The following SLC12A8 variants were observed in gnomAD, a reference collection of about 807,000 sequenced individuals.
The protein encoded by SLC12A8 is solute carrier family 12 member 8.
SLC12A8 carries 69 observed loss-of-function variants against 75.6 expected under a neutral mutation model. The ratio of observed to expected loss-of-function variants is 0.91; its 90% CI spans 0.75 to 1.11. The LOEUF is 1.11. Among genes scored for constraint, SLC12A8 ranks in the 50% most tolerant of loss-of-function variants. The pLI is 0.00. For missense variants in SLC12A8, 877 were observed against 896.7 expected (o/e 0.98, Z 0.28); for synonymous variants, 365 against 372.8 (o/e 0.98, Z 0.24).
intron 10 of SLC12A8, 48 bp downstream of exon 10, chr3:125,107,433 G>T (rs1939055190): frequency 6.6e-7 from 1 of 1,505,766 alleles, no homozygotes; most frequent in Non-Finnish European, 9.0e-7. Flanking sequence ...AGGATAATCA[G>T]TGGTCATCCC....
intron 6 of SLC12A8, among the ~76,000 whole-genome samples, chr3:125,134,099 A>G (rs1933431262): frequency 6.6e-6 from 1 of 151,594 alleles, no homozygotes; most frequent in Non-Finnish European, 1.5e-5. Flanking sequence ...GTGTGTATCG[A>G]TAGTTATTTT....
intron 5 of SLC12A8, among the ~76,000 whole-genome samples, chr3:125,142,942 C>T (rs1471938028): frequency 6.6e-6 from 1 of 152,198 alleles, no homozygotes; most frequent in Non-Finnish European, 1.5e-5. Context: ...ATTGTTGATA[C>T]AGGATGTGCT....
At chr3:125,180,010 C>T (rs1421126064) in intron 4 of SLC12A8, among the ~76,000 whole-genome samples, 1 of 151,588 alleles carries the variant, frequency 6.6e-6, no homozygotes, top group Non-Finnish European at 1.5e-5. Context: ...GGACCATCTG[C>T]ATCCAAAGCT....
At chr3:125,165,519 C>T (rs1321582211) in intron 5 of SLC12A8, among the ~76,000 whole-genome samples, 2 of 152,182 alleles carry the variant, frequency 1.3e-5, no homozygotes, top group Non-Finnish European at 2.9e-5. Context: ...GCTGGGAGGA[C>T]GATTCTACAG....
intron 5 of SLC12A8, among the ~76,000 whole-genome samples, chr3:125,138,696 T>G (rs901760855): frequency 6.6e-6 from 1 of 152,162 alleles, no homozygotes; most frequent in Admixed American, 6.5e-5. Flanking sequence ...CTTTTTTTAT[T>G]TCTACAAAAC....
chr3:125,108,134 A>C lies in SLC12A8; in HGVS notation c.1060-8T>G. The C allele has an allele frequency of 6.2e-7, 1 of 1,605,628 alleles. No individual in the cohort carries two copies. Among genetic ancestry groups the C allele is most frequent in the Non-Finnish European group, 8.5e-7 (1 of 1,175,938 alleles). ...TGTTTTGTTTGGCCCCTTCTGCAGG[A>C]ACAAAAATAACATGCAGGACCATAA... On this transcript the variant is annotated splice_polypyrimidine_tract_variant and splice_region_variant and intron_variant, in intron 9 of 13. Transcript: ENST00000469902.
intron 2 of SLC12A8, among the ~76,000 whole-genome samples, chr3:125,195,086 G>C (rs186421383): frequency 6.6e-6 from 1 of 152,376 alleles, no homozygotes; most frequent in Non-Finnish European, 1.5e-5. Flanking sequence ...AGTTGTGAAA[G>C]TTTGTGTAAA....
intron 5 of SLC12A8, among the ~76,000 whole-genome samples, chr3:125,142,598 A>T (rs11925247): frequency 0.25 from 38,199 of 152,128 alleles, 5,713 homozygotes; most frequent in Middle Eastern, 0.37. Flanking sequence ...GGCCCTGGTT[A>T]TGCGAGGACT....
intron 6 of SLC12A8, among the ~76,000 whole-genome samples, chr3:125,124,221 A>G (rs1449478779): frequency 6.6e-6 from 1 of 152,210 alleles, no homozygotes; most frequent in Admixed American, 6.5e-5. Context: ...AAACAAGGAG[A>G]TGCAGGCAAC....
chr3:125,139,338 G>A (rs779292181), intron 5 of SLC12A8, among the ~76,000 whole-genome samples: 43 of 152,168 alleles, frequency 2.8e-4, no homozygotes. Context: ...TTGACCAAGC[G>A]CACTGAGGCA....
chr3:125,135,699 C>T lies in SLC12A8; in HGVS notation c.706G>A (p.Val236Ile). Residue 236 changes from valine to isoleucine, a missense_variant, in exon 6 of 14, where the codon GTC (valine) becomes ATC (isoleucine). By Grantham distance (29) the Val-to-Ile change is conservative. Transcript: ENST00000469902. Reference sequence around the variant, plus strand: ...GCCGCTGGGAAGAAAACCCCAAAGACAGTGAAAAAAGATTCCCCCGGGCTG... The same window carrying T: ...GCCGCTGGGAAGAAAACCCCAAAGATAGTGAAAAAAGATTCCCCCGGGCTG... ...DYSPGESFFT[V>I]FGVFFPAATG... The T allele has an allele frequency of 6.2e-7, 1 of 1,608,976 alleles. No individual in the cohort carries two copies. Among genetic ancestry groups the T allele is most frequent in the Non-Finnish European group, 8.5e-7 (1 of 1,176,836 alleles).
At chr3:125,135,340 T>C (rs938639291) in intron 6 of SLC12A8, among the ~76,000 whole-genome samples, 19 of 152,330 alleles carry the variant, frequency 1.2e-4, no homozygotes, top group African/African-American at 4.6e-4. Context: ...ATGAGATATG[T>C]ATCCTTTCTA....
Position 125,208,791 on chromosome 3 carries a change from C to CACACACAG in SLC12A8, c.51+2507_51+2508insCTGTGTGT, listed in dbSNP as rs1368605617. Among the ~76,000 whole-genome samples the CACACACAG allele has an allele frequency of 3.4e-3, 286 of 84,194 alleles. 2 individuals carry two copies. The highest frequency in any genetic ancestry group is 5.7e-3 in the Non-Finnish European group (241 of 42,430). 55.2% of individuals were successfully genotyped at this position (84,194 alleles called of 152,430 possible). On this transcript the variant is annotated intron_variant, in intron 2 of 13. Coordinates refer to ENST00000469902, the MANE Select transcript of SLC12A8 (RefSeq NM_024628.6). ...ACACACACACACACACACACACACA[C>CACACACAG]AGAGAGAGAGAGAGAGAGAGAGAGA...
chr3:125,088,277 C>G (rs1579459288), intron 13 of SLC12A8, 33 bp downstream of exon 13: 1 of 1,609,888 alleles, frequency 6.2e-7, no homozygotes, highest in African/African-American at 1.3e-5. Flanking sequence ...GGACACTCAT[C>G]CATTCTGGTA....
chr3:125,134,175 C>T (rs1488489502), intron 6 of SLC12A8, among the ~76,000 whole-genome samples: 1 of 152,158 alleles, frequency 6.6e-6, no homozygotes, highest in African/African-American at 2.4e-5. Context: ...CATCTCAGCT[C>T]ACTGCAACCT....
At chr3:125,125,852 C>T in intron 6 of SLC12A8, 7 of 730,336 alleles carry the variant, frequency 9.6e-6, no homozygotes, top group Non-Finnish European at 1.2e-5. Flanking sequence ...ATAGTAATTG[C>T]ATGATTAATG....
chr3:125,115,267 A>G lies in SLC12A8; in HGVS notation c.912+3502T>C, dbSNP rs188202560. On this transcript the variant is annotated intron_variant, in intron 8 of 13. Transcript: ENST00000469902. The stretch of plus-strand genomic sequence containing the variant: ...CCGGGCGCAGTAGCTCATCCCTGTA[A>G]TCCCAGCACTTTGGGAGACTGAGGC... 4.9e-4 allele frequency among the ~76,000 whole-genome samples: 74 copies of G among 152,288 alleles called. 1 individual carries two copies. Among genetic ancestry groups the G allele is most frequent in the African/African-American group, 1.7e-3 (70 of 41,558 alleles).
At chr3:125,147,609 G>A (rs979727196) in intron 5 of SLC12A8, among the ~76,000 whole-genome samples, 5 of 152,206 alleles carry the variant, frequency 3.3e-5, no homozygotes, top group Non-Finnish European at 7.3e-5. Context: ...CTGGGGTGCT[G>A]GATGAGTCCA....
At chr3:125,131,654 C>CT (rs1468818537) in intron 6 of SLC12A8, among the ~76,000 whole-genome samples, 1 of 152,168 alleles carries the variant, frequency 6.6e-6, no homozygotes, top group African/African-American at 2.4e-5. Flanking sequence ...TCCCAAAGTG[C>CT]TGGGATTACA....
Sources: allele counts gnomAD v4.1 joint callset (sites outside exome capture counted in the v4.1 genomes callset), GRCh38; gene constraint gnomAD v4.1.1; transcripts MANE v1.5; gene names NCBI Gene and HGNC (gene_info 2026-07-23, HGNC 2026-07-21).